Variants in KLRG1 observed in about 807,000 individuals in gnomAD.
KLRG1 encodes the protein killer cell lectin-like receptor subfamily G member 1.
In KLRG1, 16 loss-of-function variants were observed where a neutral mutation model predicts 21.8. The observed-to-expected ratio is 0.73, with a 90% CI of 0.50 to 1.11. KLRG1 has a LOEUF of 1.11. Ranked by LOEUF, KLRG1 falls within the 50% of genes most tolerant of loss-of-function variation. The pLI is 0.00. For synonymous variants in KLRG1, 69 were observed against 75.9 expected (o/e 0.91, Z 0.47); for missense variants, 173 against 218.3 (o/e 0.79, Z 1.31).
At chr12:9,132,827 T>C in the KLRG1 span, among the ~76,000 whole-genome samples, 1 of 152,184 alleles carries the variant, frequency 6.6e-6, no homozygotes, top group Non-Finnish European at 1.5e-5. Flanking sequence ...ATAAAGTATT[T>C]AAAGAAAAAA....
At chr12:9,148,256 T>G in the KLRG1 span, among the ~76,000 whole-genome samples, 5 of 152,204 alleles carry the variant, frequency 3.3e-5, no homozygotes, top group South Asian at 1.0e-3. Flanking sequence ...TTAGCATTTT[T>G]CAAGAATACA....
At chr12:9,137,558 A>G in the KLRG1 span, among the ~76,000 whole-genome samples, 11 of 152,124 alleles carry the variant, frequency 7.2e-5, 1 homozygote, top group South Asian at 2.1e-3. Flanking sequence ...CTATTTTTTT[A>G]AACAATACCA....
chr12:9,078,232 G>A, the KLRG1 span, among the ~76,000 whole-genome samples: 5 of 151,996 alleles, frequency 3.3e-5, no homozygotes, highest in African/African-American at 1.2e-4. Flanking sequence ...TGTTGTTCCT[G>A]TCCCTGTGTC....
chr12:9,182,248 TCTCTCTATGTGC>T, the KLRG1 span: 7 of 796,892 alleles, frequency 8.8e-6, no homozygotes, highest in Non-Finnish European at 1.3e-5. Context: ...AATGGCTTAG[TCTCTCTATGTGC>T]CATTAGTTAT....
chr12:9,090,423 T>G, the KLRG1 span: 2 of 1,614,032 alleles, frequency 1.2e-6, no homozygotes, highest in Non-Finnish European at 8.5e-7. Context: ...AGTGAGGCGC[T>G]TGTTCCTTCT....
the KLRG1 span, among the ~76,000 whole-genome samples, chr12:9,204,724 T>A: frequency 6.6e-6 from 1 of 152,194 alleles, no homozygotes; most frequent in Non-Finnish European, 1.5e-5. Flanking sequence ...AATAATTTAA[T>A]ATTAGTATGT....
At chr12:8,982,450 A>G (rs1312261218) in intron 1 of KLRG1, among the ~76,000 whole-genome samples, 2 of 152,196 alleles carry the variant, frequency 1.3e-5, no homozygotes, top group African/African-American at 2.4e-5. Flanking sequence ...CTTTAAGAAA[A>G]TAAATATATG....
the KLRG1 span, among the ~76,000 whole-genome samples, chr12:9,173,897 G>T: frequency 6.6e-6 from 1 of 152,122 alleles, no homozygotes; most frequent in Non-Finnish European, 1.5e-5. Flanking sequence ...TCTACCATAG[G>T]TACAAAGAAG....
At chr12:9,030,227 T>C in the KLRG1 span, among the ~76,000 whole-genome samples, 5 of 152,086 alleles carry the variant, frequency 3.3e-5, no homozygotes, top group Admixed American at 6.6e-5. Context: ...GAACGGGTAG[T>C]GGATGGGGTG....
the KLRG1 span, chr12:9,095,821 G>C: frequency 2.7e-6 from 2 of 752,110 alleles, no homozygotes; most frequent in South Asian, 4.3e-5. Context: ...CTGCAGTGGC[G>C]CAATCTCGGC....
the KLRG1 span, among the ~76,000 whole-genome samples, chr12:9,053,138 C>T: frequency 6.6e-6 from 1 of 152,048 alleles, no homozygotes. Flanking sequence ...GAGATATGCA[C>T]ATTAGGTTCG....
In KLRG1 at chr12:8,977,950, C is replaced by T. The variant is rs180908145; in HGVS notation, c.-155-14256C>T. ...CTCAGCTCACTGCAGCCTCTGCCTC[C>T]TGGGTTCAAGCGATTCTCCTGCCTC... On this transcript the variant is annotated intron_variant, in intron 1 of 4. Coordinates refer to the KLRG1 transcript ENST00000539240. Among the ~76,000 whole-genome samples, 19 of 152,222 alleles carry T rather than the reference C, an allele frequency of 1.2e-4. No homozygotes were observed. In the East Asian group the frequency reaches 2.1e-3, roughly 17 times the overall value.
chr12:9,091,127 C>T, the KLRG1 span: 1 of 1,503,352 alleles, frequency 6.7e-7, no homozygotes, highest in Non-Finnish European at 9.2e-7. Flanking sequence ...CAAGAGTTTG[C>T]AGTATTCCTA....
At chr12:9,011,913 A>G (rs1320593056), downstream of KLRG1, among the ~76,000 whole-genome samples, 1 of 152,182 alleles carries the variant, frequency 6.6e-6, no homozygotes, top group African/African-American at 2.4e-5. Context: ...GTGCCCACAG[A>G]GGGAGCATTT....
the KLRG1 span, chr12:9,197,259 C>T: frequency 5.8e-5 from 34 of 581,884 alleles, no homozygotes; most frequent in Non-Finnish European, 8.1e-5. Flanking sequence ...AGAAAGCTGT[C>T]TGGAAAATGT....
chr12:9,097,777 C>T, the KLRG1 span, among the ~76,000 whole-genome samples: 18 of 151,918 alleles, frequency 1.2e-4, no homozygotes, highest in African/African-American at 2.9e-4. Flanking sequence ...GGATGACAGG[C>T]GCCCGCCACC....
the KLRG1 span, chr12:9,069,086 T>C: frequency 3.0e-6 from 1 of 331,122 alleles, no homozygotes; most frequent in African/African-American, 2.1e-5. Context: ...TTCATGGGGG[T>C]AAATGATATA....
chr12:9,074,343 T>A, the KLRG1 span, among the ~76,000 whole-genome samples: 2 of 152,122 alleles, frequency 1.3e-5, no homozygotes, highest in African/African-American at 4.8e-5. Context: ...AGATGGATAA[T>A]AACACAGCGA....
intron 2 of KLRG1, among the ~76,000 whole-genome samples, chr12:8,993,936 C>T (rs1565547182): frequency 6.6e-6 from 1 of 152,132 alleles, no homozygotes; most frequent in Non-Finnish European, 1.5e-5. Flanking sequence ...CATACTTGCT[C>T]ACTGTAGAAT....
Sources: gnomAD v4.1 joint callset for allele counts (sites outside exome capture counted in the v4.1 genomes callset) on GRCh38, gnomAD v4.1.1 for gene constraint, MANE v1.5 for transcripts, NCBI Gene and HGNC (gene_info 2026-07-23, HGNC 2026-07-21) for gene names.